Variants in TK1 observed in about 807,000 individuals in gnomAD.
TK1 encodes the protein thymidine kinase, cytosolic.
Under a neutral mutation model 22.4 loss-of-function variants are expected in TK1, and 13 were observed. That is an observed-to-expected ratio of 0.58 (90% CI 0.38 to 0.92). The LOEUF (loss-of-function observed/expected upper bound fraction) is 0.92. Among genes scored for constraint, TK1 ranks in the 40% least tolerant of loss-of-function variants. The pLI is 0.00. For missense variants in TK1, 251 were observed against 315.7 expected (o/e 0.80, Z 1.55); for synonymous variants, 134 against 125.4 (o/e 1.07, Z -0.46).
chr17:78,186,656 T>C, intron 2 of TK1, 131 bp downstream of exon 2: 1 of 927,732 alleles, frequency 1.1e-6, no homozygotes, highest in East Asian at 2.9e-5. Context: ...GTGCTGGTCC[T>C]TCTAGGGGAA....
chr17:78,187,194 G>C (rs540336332), upstream of TK1: 18 of 870,738 alleles, frequency 2.1e-5, no homozygotes, highest in Non-Finnish European at 3.3e-5. Context: ...GGAGGAATCC[G>C]GGACGTGCGC....
chr17:78,179,057 T>C (rs2075720788), intron 4 of TK1: 1 of 636,706 alleles, frequency 1.6e-6, no homozygotes, highest in African/African-American at 2.0e-5. Context: ...ACTCAGGGCA[T>C]TTGGATGTCG....
rs1008327750 is a variant in TK1, at chr17:78,174,225, T to C, written c.*534A>G. On this transcript the variant is annotated 3_prime_UTR_variant, in exon 7 of 7. Coordinates refer to ENST00000301634, the MANE Select transcript of TK1 (RefSeq NM_003258.5). ...CACCCATCTTGGTGAAAGATGCTGT[T>C]GTTCCTGTGGAAACCATCACCAGAG... The C allele has an allele frequency of 1.3e-5, 2 of 153,554 alleles. No individual in the cohort carries two copies. Among genetic ancestry groups the C allele is most frequent in the African/African-American group, 4.8e-5 (2 of 41,400 alleles). The allele number at this position is 153,554 out of a possible 1,614,324, so 9.5% of individuals were successfully genotyped here.
chr17:78,186,047 G>A (rs953091944), intron 2 of TK1, among the ~76,000 whole-genome samples: 1 of 151,980 alleles, frequency 6.6e-6, no homozygotes, highest in Non-Finnish European at 1.5e-5. Flanking sequence ...GATTGCTTGA[G>A]ACCAGGAGTT....
chr17:78,181,649 T>C (rs544191009), intron 4 of TK1, among the ~76,000 whole-genome samples: 15 of 152,044 alleles, frequency 9.9e-5, no homozygotes, highest in African/African-American at 3.1e-4. Flanking sequence ...GCTTCCCATC[T>C]ATACCTCCTG....
In TK1 at chr17:78,187,045, A is replaced by C; in HGVS notation, c.-51T>G. 5.1e-6 allele frequency: 8 copies of C among 1,565,266 alleles called. No individual in the cohort carries two copies. In the South Asian group the frequency reaches 9.2e-5, roughly 18 times the overall value. On this transcript the variant is annotated 5_prime_UTR_variant, in exon 1 of 7. Transcript: ENST00000301634. ...CGAGTACTCTCCAAGGCCGTCCCGC[A>C]GTAAGCCCCTGGTTCCCGCGCCGAC...
intron 4 of TK1, among the ~76,000 whole-genome samples, chr17:78,176,615 C>T (rs998206752): frequency 2.6e-5 from 4 of 152,142 alleles, no homozygotes; most frequent in African/African-American, 7.2e-5. Context: ...GGCCCCTCCC[C>T]ACCATGCACT....
At chr17:78,178,747 C>T (rs1248255394) in intron 4 of TK1, among the ~76,000 whole-genome samples, 1 of 152,142 alleles carries the variant, frequency 6.6e-6, no homozygotes, top group East Asian at 1.9e-4. Context: ...CGGGTTCAAG[C>T]GATTCTCCTG....
At chr17:78,176,581 A>C (rs2075701403) in intron 4 of TK1, among the ~76,000 whole-genome samples, 1 of 152,042 alleles carries the variant, frequency 6.6e-6, no homozygotes, top group Non-Finnish European at 1.5e-5. Context: ...TGGAGAAGGA[A>C]ACCCAGAGAC....
chr17:78,175,806 G>GTA lies in TK1; in HGVS notation c.304-190_304-189dup, dbSNP rs1245236730. Among the ~76,000 whole-genome samples, 4 of 152,192 alleles carry GTA rather than the reference G, an allele frequency of 2.6e-5. No homozygotes were observed. In the East Asian group the frequency reaches 7.7e-4, roughly 29 times the overall value. On this transcript the variant is annotated intron_variant, in intron 4 of 6. Coordinates refer to ENST00000301634, the MANE Select transcript of TK1 (RefSeq NM_003258.5). ...CCGCACGCCCCCCAGCAGACGACAG[G>GTA]TACATCCACAACTGCGCAGCCCCTT...
intron 4 of TK1, chr17:78,179,485 C>A (rs1349306779): frequency 3.0e-6 from 3 of 985,314 alleles, no homozygotes; most frequent in Non-Finnish European, 3.6e-6. Context: ...TGGTCGGGAA[C>A]CCAGAGCGGA....
At chr17:78,176,952 T>G (rs957797964) in intron 4 of TK1, among the ~76,000 whole-genome samples, 1 of 152,148 alleles carries the variant, frequency 6.6e-6, no homozygotes, top group African/African-American at 2.4e-5. Flanking sequence ...AGAACCTTGC[T>G]CCTTCACCCG....
Position 78,175,250 on chromosome 17 carries a change from A to G in TK1, c.394-81T>C, listed in dbSNP as rs148889228. The G allele has an allele frequency of 2.8e-6, 4 of 1,415,014 alleles. No homozygotes were observed. The South Asian group carries it at 3.9e-5, about 14-fold the overall frequency. The allele number at this position is 1,415,014 out of a possible 1,614,324, so 87.7% of individuals were successfully genotyped here. A position where few individuals can be genotyped will look rare whatever the true frequency, so the allele number is the denominator to read the frequency against. ...CTTTTAAACCCTCTGATTCACAAGCACTGAAGCCAGGAGAGTTTGCTCTGA... is the reference window on the plus strand; with the variant it reads ...CTTTTAAACCCTCTGATTCACAAGCGCTGAAGCCAGGAGAGTTTGCTCTGA... On this transcript the variant is annotated intron_variant, in intron 5 of 6. Transcript: ENST00000301634.
Position 78,174,662 on chromosome 17 carries a change from G to T in TK1, c.*97C>A. 7.2e-7 allele frequency: 1 copy of T among 1,380,688 alleles called. No homozygotes were observed. Among genetic ancestry groups the T allele is most frequent in the Non-Finnish European group, 9.7e-7 (1 of 1,035,988 alleles). The allele number at this position is 1,380,688 out of a possible 1,614,324, so 85.5% of individuals were successfully genotyped here. On this transcript the variant is annotated 3_prime_UTR_variant, in exon 7 of 7. Coordinates refer to ENST00000301634, the MANE Select transcript of TK1 (RefSeq NM_003258.5). The stretch of plus-strand genomic sequence containing the variant: ...AGGCCAAGGTGTGGTCACCCTCCAC[G>T]CCTCCCGACTTCCTCCTGGAGTGGC...
intron 4 of TK1, among the ~76,000 whole-genome samples, chr17:78,178,865 C>T (rs2075719529): frequency 6.6e-6 from 1 of 152,128 alleles, no homozygotes; most frequent in South Asian, 2.1e-4. Flanking sequence ...GGCTGGTGAC[C>T]CGGAACTTCT....
intron 2 of TK1, 80 bp downstream of exon 2, chr17:78,186,701 AGGGGAG>A (rs2075802463): frequency 5.2e-6 from 4 of 770,872 alleles, no homozygotes; most frequent in Non-Finnish European, 7.0e-6. Context: ...AGGGGAGGGG[AGGGGAG>A]GGAAGGGGAG....
Position 78,178,674 on chromosome 17 carries a change from C to T in TK1, c.304-3056G>A, listed in dbSNP as rs527835520. 1.1e-4 allele frequency among the ~76,000 whole-genome samples: 16 copies of T among 152,276 alleles called. No individual in the cohort carries two copies. In the East Asian group the frequency reaches 2.9e-3, roughly 28 times the overall value. On this transcript the variant is annotated intron_variant, in intron 4 of 6. Transcript: ENST00000301634. The stretch of plus-strand genomic sequence containing the variant: ...TTTTGTTTTGAGACTGAGTTTTGCT[C>T]TTGTTGTTGCCCAGGCTTGGAGTGC...
At chr17:78,183,029 C>T (rs966671722) in intron 3 of TK1, among the ~76,000 whole-genome samples, 14 of 152,136 alleles carry the variant, frequency 9.2e-5, no homozygotes, top group Admixed American at 9.2e-4. Flanking sequence ...CCATCACACC[C>T]AGCTAATTTT....
rs967454865 is a variant in TK1 at position 78,175,098 on chromosome 17, C to T, written c.465G>A (p.Glu155=). Residue 155 remains glutamate, a synonymous_variant, in exon 6 of 7, where the codon GAG becomes GAA. Coordinates refer to ENST00000301634, the MANE Select transcript of TK1 (RefSeq NM_003258.5). Reference sequence around the variant, plus strand: ...TGGTATAGGCGGCTTCCCGGAAGCACTCCATGCACACCGCCGTCAGCTTCA... The same window carrying T: ...TGGTATAGGCGGCTTCCCGGAAGCATTCCATGCACACCGCCGTCAGCTTCA... The part of the protein sequence containing the change: ...SVVKLTAVCM[E]CFREAAYTKR... The T allele has an allele frequency of 1.2e-6, 2 of 1,613,502 alleles. No homozygotes were observed. Among genetic ancestry groups the T allele is most frequent in the Non-Finnish European group, 8.5e-7 (1 of 1,179,894 alleles).
Sources: allele counts gnomAD v4.1 joint callset (sites outside exome capture counted in the v4.1 genomes callset), GRCh38; gene constraint gnomAD v4.1.1; transcripts MANE v1.5; gene names NCBI Gene and HGNC (gene_info 2026-07-23, HGNC 2026-07-21).